The following MAF variants were observed in gnomAD, a reference collection of about 807,000 sequenced individuals.
MAF encodes the protein transcription factor Maf.
In MAF, 10 loss-of-function variants were observed where a neutral mutation model predicts 22.0. The observed-to-expected ratio is 0.45, with a 90% CI of 0.28 to 0.77. The LOEUF (loss-of-function observed/expected upper bound fraction) is 0.77. Ranked by LOEUF, MAF falls within the 30% of genes least tolerant of loss-of-function variation. The pLI, the probability that MAF is intolerant of heterozygous loss-of-function variation, is 0.12. For synonymous variants in MAF, 337 were observed against 255.8 expected (o/e 1.32, Z -3.03); for missense variants, 544 against 548.4 (o/e 0.99, Z 0.08).
chr16:79,302,930 G>A, the MAF span, among the ~76,000 whole-genome samples: 7 of 152,256 alleles, frequency 4.6e-5, no homozygotes, highest in African/African-American at 1.7e-4. Context: ...ATTCGGCACT[G>A]TCAGATGGGA....
At chr16:79,492,663 G>A in the MAF span, among the ~76,000 whole-genome samples, 1 of 151,822 alleles carries the variant, frequency 6.6e-6, no homozygotes, top group African/African-American at 2.4e-5. Flanking sequence ...GTAAATTGTA[G>A]TCTACTCACA....
At chr16:79,403,113 G>A in the MAF span, among the ~76,000 whole-genome samples, 2 of 152,248 alleles carry the variant, frequency 1.3e-5, no homozygotes, top group East Asian at 1.9e-4. Context: ...TGTGAAATGG[G>A]AATAACTGCA....
At chr16:79,382,437 A>G in the MAF span, among the ~76,000 whole-genome samples, 1 of 152,242 alleles carries the variant, frequency 6.6e-6, no homozygotes, top group African/African-American at 2.4e-5. Context: ...ACCACTGGAC[A>G]TATGTGGCTA....
chr16:79,473,615 T>C, the MAF span, among the ~76,000 whole-genome samples: 7 of 152,296 alleles, frequency 4.6e-5, no homozygotes, highest in South Asian at 1.5e-3. Context: ...GCCTCTCTCC[T>C]GAGTTCAGCA....
the MAF span, among the ~76,000 whole-genome samples, chr16:79,536,116 C>T: frequency 1.3e-5 from 2 of 152,194 alleles, no homozygotes; most frequent in Non-Finnish European, 2.9e-5. Context: ...CTTCATGATC[C>T]TAGTGCTATA....
the MAF span, among the ~76,000 whole-genome samples, chr16:79,243,507 C>T: frequency 1.3e-5 from 2 of 152,016 alleles, no homozygotes; most frequent in African/African-American, 4.8e-5. Flanking sequence ...CCTCCCAAGT[C>T]TAAACCTGGA....
At chr16:79,240,125 T>A in the MAF span, among the ~76,000 whole-genome samples, 3 of 151,492 alleles carry the variant, frequency 2.0e-5, no homozygotes, top group African/African-American at 7.3e-5. Flanking sequence ...GCATTGGGGG[T>A]TTAGGGTCCC....
At chr16:79,234,585 G>A in the MAF span, among the ~76,000 whole-genome samples, 1 of 152,068 alleles carries the variant, frequency 6.6e-6, no homozygotes, top group South Asian at 2.1e-4. Context: ...GCAAAAGTCG[G>A]CTTCAGGACC....
the MAF span, among the ~76,000 whole-genome samples, chr16:79,372,272 G>T: frequency 2.0e-4 from 30 of 152,128 alleles, no homozygotes; most frequent in South Asian, 6.0e-3. Flanking sequence ...CTTGCTCAGA[G>T]CAAACAAGCT....
At chr16:79,492,092 A>T in the MAF span, among the ~76,000 whole-genome samples, 3 of 152,218 alleles carry the variant, frequency 2.0e-5, no homozygotes, top group Non-Finnish European at 4.4e-5. Flanking sequence ...GAGCCTATCT[A>T]ATAATAAAAC....
At chr16:79,217,532 A>G in the MAF span, among the ~76,000 whole-genome samples, 1 of 152,204 alleles carries the variant, frequency 6.6e-6, no homozygotes, top group African/African-American at 2.4e-5. Flanking sequence ...ACATTTCTCA[A>G]TAGGCCCTCT....
the MAF span, among the ~76,000 whole-genome samples, chr16:79,419,306 C>A: frequency 6.6e-6 from 1 of 152,214 alleles, no homozygotes; most frequent in African/African-American, 2.4e-5. Context: ...TTCCTTGGAA[C>A]AAGGCTTCAG....
chr16:79,568,259 T>A, the MAF span, among the ~76,000 whole-genome samples: 3 of 152,322 alleles, frequency 2.0e-5, no homozygotes, highest in East Asian at 5.8e-4. Context: ...GATGGGTGTC[T>A]GTGGATGGCC....
the MAF span, among the ~76,000 whole-genome samples, chr16:79,354,498 G>A: frequency 1.3e-5 from 2 of 152,214 alleles, no homozygotes; most frequent in African/African-American, 4.8e-5. Context: ...GGACTTCCCA[G>A]TAGAGGGGAG....
the MAF span, among the ~76,000 whole-genome samples, chr16:79,420,647 C>G: frequency 4.6e-5 from 7 of 152,324 alleles, no homozygotes; most frequent in East Asian, 9.7e-4. Flanking sequence ...AGCTGTTGCT[C>G]GGCAGTGCCC....
the MAF span, among the ~76,000 whole-genome samples, chr16:79,431,221 C>A: frequency 2.0e-5 from 3 of 152,116 alleles, no homozygotes; most frequent in African/African-American, 7.2e-5. Context: ...TACACAGCAG[C>A]CTGGGTACCT....
At chr16:79,385,375 G>C in the MAF span, among the ~76,000 whole-genome samples, 21 of 151,940 alleles carry the variant, frequency 1.4e-4, no homozygotes, top group African/African-American at 4.8e-5. Flanking sequence ...CCCGAGTGAG[G>C]GTTTAAAATT....
At chr16:79,563,568 G>A in the MAF span, among the ~76,000 whole-genome samples, 1 of 150,708 alleles carries the variant, frequency 6.6e-6, no homozygotes, top group East Asian at 1.9e-4. Flanking sequence ...AGTATGCATT[G>A]ATATCATAAT....
chr16:79,589,738 A>G (rs923015681), downstream of MAF, among the ~76,000 whole-genome samples: 3 of 152,176 alleles, frequency 2.0e-5, no homozygotes, highest in Non-Finnish European at 2.9e-5. Flanking sequence ...CGCTCGCGCT[A>G]GGGCAGTCCT....
Sources: allele counts gnomAD v4.1 joint callset (sites outside exome capture counted in the v4.1 genomes callset), GRCh38; gene constraint gnomAD v4.1.1; transcripts MANE v1.5; gene names NCBI Gene and HGNC (gene_info 2026-07-23, HGNC 2026-07-21).